NSG1: variants seen among roughly 807,000 people sequenced by gnomAD.
NSG1 encodes the protein neuronal vesicle trafficking-associated protein 1.
In NSG1, 9 loss-of-function variants were observed where a neutral mutation model predicts 19.3. The ratio of observed to expected loss-of-function variants is 0.47; its 90% CI spans 0.28 to 0.81. NSG1 has a LOEUF of 0.81. NSG1 is among the 40% of genes least tolerant of loss of function. NSG1 has a pLI of 0.11. For synonymous variants in NSG1, 104 were observed against 107.0 expected, an observed-to-expected ratio of 0.97 and a Z score of 0.17; for missense variants, 236 against 242.4, an observed-to-expected ratio of 0.97 and a Z score of 0.18.
chr4:4,386,934 G>C (rs1035625834), upstream of NSG1: 1 of 152,130 alleles, frequency 6.6e-6, no homozygotes, highest in East Asian at 1.9e-4. Flanking sequence ...TTGTGCGGCC[G>C]GGCGGGCGCT....
chr4:4,400,731 C>G (rs943790166), intron 3 of NSG1, among the ~76,000 whole-genome samples: 1 of 152,152 alleles, frequency 6.6e-6, no homozygotes, highest in African/African-American at 2.4e-5. Flanking sequence ...CCAATGCATA[C>G]CAGGTGTTTT....
chr4:4,408,232 T>C (rs1256258642), intron 3 of NSG1, among the ~76,000 whole-genome samples: 1 of 152,094 alleles, frequency 6.6e-6, no homozygotes, highest in Non-Finnish European at 1.5e-5. Context: ...TTCTTTAACC[T>C]TGTTGGCTGT....
intron 4 of NSG1, among the ~76,000 whole-genome samples, chr4:4,410,753 T>C (rs576073467): frequency 6.6e-6 from 1 of 152,300 alleles, no homozygotes; most frequent in East Asian, 1.9e-4. Flanking sequence ...GGCTGTGCAC[T>C]CCTGTAGACG....
At chr4:4,401,026 C>T (rs146208267) in intron 3 of NSG1, among the ~76,000 whole-genome samples, 23 of 152,292 alleles carry the variant, frequency 1.5e-4, no homozygotes, top group African/African-American at 5.1e-4. Context: ...GCCCTGCACC[C>T]GCTGCTCCAG....
At chr4:4,397,039 C>CTGTGTGTGTGTG (rs61613589) in intron 3 of NSG1, among the ~76,000 whole-genome samples, 13,721 of 149,988 alleles carry the variant, frequency 0.091, 688 homozygotes, top group Middle Eastern at 0.12. Context: ...GTTCAGTCAT[C>CTGTGTGTGTGTG]TGTGTGTGTG....
At chr4:4,413,273 C>T (rs1418529731) in intron 4 of NSG1, among the ~76,000 whole-genome samples, 2 of 151,478 alleles carry the variant, frequency 1.3e-5, no homozygotes, top group Non-Finnish European at 2.9e-5. Context: ...GGCATGTGGG[C>T]GGTAGTTTCT....
intron 3 of NSG1, among the ~76,000 whole-genome samples, chr4:4,398,306 C>G (rs957876478): frequency 3.3e-5 from 5 of 152,182 alleles, no homozygotes; most frequent in Non-Finnish European, 7.3e-5. Flanking sequence ...AAACTTACCG[C>G]TTTAAGGTAA....
Position 4,387,594 on chromosome 4 carries a change from C to G in NSG1, c.-26-10C>G. The stretch of plus-strand genomic sequence containing the variant: ...GCTTGTGGTGACTCCCCCCGGCCCT[C>G]CCGCCGCAGGCTGCAGCCTCGGAGC... On this transcript the variant is annotated splice_polypyrimidine_tract_variant and intron_variant, in intron 1 of 4. Transcript: ENST00000621129. 2.5e-6 allele frequency: 4 copies of G among 1,595,136 alleles called. No individual in the cohort carries two copies. The highest frequency in any genetic ancestry group is 3.4e-6 in the Non-Finnish European group (4 of 1,169,210).
chr4:4,392,014 C>T (rs1396786619), intron 3 of NSG1, among the ~76,000 whole-genome samples: 1 of 152,230 alleles, frequency 6.6e-6, no homozygotes, highest in Non-Finnish European at 1.5e-5. Flanking sequence ...CTCATCTGAG[C>T]AACCCTCCTG....
At position 4,406,665 on chromosome 4, in the gene NSG1, T is replaced by C. The variant is rs141317893; in HGVS notation, c.247-2908T>C. 2.0e-3 allele frequency among the ~76,000 whole-genome samples: 310 copies of C among 152,226 alleles called. 4 individuals carry two copies. Among genetic ancestry groups the C allele is most frequent in the Admixed American group, 9.9e-3 (152 of 15,298 alleles). On this transcript the variant is annotated intron_variant, in intron 3 of 4. Transcript: ENST00000621129. ...ACAGCAGCGACAGCAGACAGCTCCGTCATGCTCCCCCCCAACCCAGGTGCT... is the reference window on the plus strand; with the variant it reads ...ACAGCAGCGACAGCAGACAGCTCCGCCATGCTCCCCCCCAACCCAGGTGCT...
upstream of NSG1, chr4:4,386,873 C>T (rs1202681219): frequency 1.3e-5 from 2 of 152,094 alleles, no homozygotes; most frequent in Non-Finnish European, 2.9e-5. Flanking sequence ...TCCCCCGGCT[C>T]AGGGCGGGCG....
chr4:4,402,167 C>T (rs1723582250), intron 3 of NSG1, among the ~76,000 whole-genome samples: 1 of 149,820 alleles, frequency 6.7e-6, no homozygotes, highest in Non-Finnish European at 1.5e-5. Flanking sequence ...GGGATTACAG[C>T]ATGAGCCACA....
chr4:4,416,064 G>A (rs890816838), intron 4 of NSG1: 2 of 701,952 alleles, frequency 2.8e-6, no homozygotes, highest in African/African-American at 3.5e-5. Context: ...CTGTGACCTG[G>A]GGCACATCCT....
chr4:4,387,092 C>A (rs1017590809), upstream of NSG1: 1 of 152,146 alleles, frequency 6.6e-6, no homozygotes, highest in African/African-American at 2.4e-5. Flanking sequence ...CCGCGCGCGG[C>A]GCCGCCTCCG....
At chr4:4,405,803 G>C (rs7688989) in intron 3 of NSG1, among the ~76,000 whole-genome samples, 6,342 of 152,228 alleles carry the variant, frequency 0.042, 433 homozygotes, top group African/African-American at 0.14. Flanking sequence ...TCGCATTCTC[G>C]TTGCACGGTT....
chr4:4,402,464 T>C (rs979018314), intron 3 of NSG1, among the ~76,000 whole-genome samples: 1 of 140,630 alleles, frequency 7.1e-6, no homozygotes, highest in Non-Finnish European at 1.5e-5. Flanking sequence ...CTCGGCTCAC[T>C]GCAAGCTCCG....
intron 3 of NSG1, among the ~76,000 whole-genome samples, chr4:4,402,390 T>C (rs1397431895): frequency 9.4e-6 from 1 of 105,892 alleles, no homozygotes. Context: ...TTTTTTTTTT[T>C]TTTTTTTTTT....
At chr4:4,407,135 G>T (rs959824311) in intron 3 of NSG1, among the ~76,000 whole-genome samples, 5 of 152,354 alleles carry the variant, frequency 3.3e-5, no homozygotes, top group African/African-American at 1.2e-4. Flanking sequence ...ATGCACTGTA[G>T]GCCATCCCAG....
intron 3 of NSG1, among the ~76,000 whole-genome samples, chr4:4,395,319 C>T (rs779661491): frequency 2.0e-5 from 3 of 152,160 alleles, no homozygotes; most frequent in Non-Finnish European, 4.4e-5. Context: ...TCCAGGTGAT[C>T]CTAATGTGTC....
Sources: allele counts gnomAD v4.1 joint callset (sites outside exome capture counted in the v4.1 genomes callset), GRCh38; gene constraint gnomAD v4.1.1; transcripts MANE v1.5; gene names NCBI Gene and HGNC (gene_info 2026-07-23, HGNC 2026-07-21).